SND1: variants seen among roughly 807,000 people sequenced by gnomAD.
SND1 encodes the protein staphylococcal nuclease and tudor domain containing 1.
SND1 carries 38 observed loss-of-function variants against 121.7 expected under a neutral mutation model. The observed-to-expected ratio is 0.31, with a 90% CI of 0.24 to 0.41. The LOEUF is 0.41. Ranked by LOEUF, SND1 falls within the 10% of genes least tolerant of loss-of-function variation. SND1 has a pLI of 1.00. For missense variants in SND1, 868 were observed against 1,184.6 expected (o/e 0.73, Z 3.92); for synonymous variants, 401 against 447.4 (o/e 0.90, Z 1.31).
At chr7:127,668,540 AAAT>A (rs1464755816) in intron 1 of SND1, among the ~76,000 whole-genome samples, 1 of 152,216 alleles carries the variant, frequency 6.6e-6, no homozygotes, top group African/African-American at 2.4e-5. Flanking sequence ...GACCAGGAAA[AAAT>A]AAGTATTTTT....
intron 12 of SND1, among the ~76,000 whole-genome samples, chr7:127,864,796 A>G (rs1023125367): frequency 2.0e-5 from 3 of 152,176 alleles, no homozygotes; most frequent in Admixed American, 1.3e-4. Flanking sequence ...CATCTGGAAT[A>G]ACAGCTGCAT....
At chr7:127,811,353 A>G (rs1419303445) in intron 11 of SND1, among the ~76,000 whole-genome samples, 1 of 152,210 alleles carries the variant, frequency 6.6e-6, no homozygotes, top group Non-Finnish European at 1.5e-5. Flanking sequence ...GTGGAGATGG[A>G]AATGATCTCC....
At chr7:128,070,754 A>G (rs911594358) in intron 16 of SND1, among the ~76,000 whole-genome samples, 3 of 152,190 alleles carry the variant, frequency 2.0e-5, no homozygotes, top group African/African-American at 4.8e-5. Flanking sequence ...ACTTGTGGGA[A>G]TTAACTCTAT....
intron 10 of SND1, among the ~76,000 whole-genome samples, chr7:127,746,176 T>G (rs1246039356): frequency 6.6e-6 from 1 of 152,162 alleles, no homozygotes; most frequent in Non-Finnish European, 1.5e-5. Flanking sequence ...AAGGGAATGG[T>G]CATCTTAGAA....
intron 12 of SND1, among the ~76,000 whole-genome samples, chr7:127,849,271 G>A (rs1302877708): frequency 2.6e-5 from 4 of 152,046 alleles, no homozygotes; most frequent in African/African-American, 4.8e-5. Context: ...TCCTTCTTTC[G>A]TTCTTGCCAG....
At chr7:127,743,360 T>C (rs980133778) in intron 10 of SND1, among the ~76,000 whole-genome samples, 1 of 152,250 alleles carries the variant, frequency 6.6e-6, no homozygotes, top group African/African-American at 2.4e-5. Context: ...AGACATTTTG[T>C]GAAGGCTTCT....
At chr7:127,823,583 T>C (rs1477214904) in intron 11 of SND1, among the ~76,000 whole-genome samples, 1 of 152,186 alleles carries the variant, frequency 6.6e-6, no homozygotes, top group East Asian at 1.9e-4. Context: ...TCAGACTTAC[T>C]AAAGCTCAAA....
At chr7:127,725,910 T>C (rs1796574073) in intron 10 of SND1, among the ~76,000 whole-genome samples, 1 of 152,204 alleles carries the variant, frequency 6.6e-6, no homozygotes, top group Non-Finnish European at 1.5e-5. Flanking sequence ...TCAATGGGAC[T>C]TTCCCTTCAA....
intron 11 of SND1, among the ~76,000 whole-genome samples, chr7:127,830,127 A>G (rs2116622103): frequency 6.6e-6 from 1 of 152,332 alleles, no homozygotes; most frequent in Non-Finnish European, 1.5e-5. Flanking sequence ...TCATGCCTGT[A>G]ATCCCAACAC....
At chr7:127,911,774 A>G (rs965966385) in intron 14 of SND1, among the ~76,000 whole-genome samples, 1 of 152,172 alleles carries the variant, frequency 6.6e-6, no homozygotes, top group African/African-American at 2.4e-5. Flanking sequence ...TGCTAGGATT[A>G]CAGGCATGAG....
chr7:127,847,631 C>G (rs1286374220), intron 12 of SND1, among the ~76,000 whole-genome samples: 1 of 152,212 alleles, frequency 6.6e-6, no homozygotes, highest in African/African-American at 2.4e-5. Flanking sequence ...GTGATTTACA[C>G]CCCCTCATCT....
At chr7:127,902,227 C>G (rs1395310306) in intron 13 of SND1, among the ~76,000 whole-genome samples, 1 of 152,186 alleles carries the variant, frequency 6.6e-6, no homozygotes, top group African/African-American at 2.4e-5. Flanking sequence ...ACAATTTCAG[C>G]AGTGCTCTAA....
At chr7:128,051,545 A>T (rs1184600559) in intron 16 of SND1, among the ~76,000 whole-genome samples, 1 of 152,198 alleles carries the variant, frequency 6.6e-6, no homozygotes, top group Non-Finnish European at 1.5e-5. Flanking sequence ...AATCATATAG[A>T]TCAAAGGAGG....
chr7:127,682,018 A>G (rs1371897897), intron 1 of SND1, among the ~76,000 whole-genome samples: 2 of 152,306 alleles, frequency 1.3e-5, no homozygotes, highest in Middle Eastern at 3.4e-3. Flanking sequence ...GGGAAAAAAT[A>G]TTGGCTTCAT....
chr7:127,864,783 A>T (rs535160356), intron 12 of SND1, among the ~76,000 whole-genome samples: 197 of 152,198 alleles, frequency 1.3e-3, no homozygotes, highest in African/African-American at 4.4e-3. Flanking sequence ...CCCTTTTCAG[A>T]TGCATCTGGA....
chr7:127,665,217 C>T (rs1310905152), intron 1 of SND1, among the ~76,000 whole-genome samples: 1 of 150,498 alleles, frequency 6.6e-6, no homozygotes, highest in East Asian at 1.9e-4. Flanking sequence ...GACGGAGTCT[C>T]ACTCTGTCGC....
Position 128,031,183 on chromosome 7 carries a change from G to C in SND1, c.1779+40127G>C, listed in dbSNP as rs1160960341. On this transcript the variant is annotated intron_variant, in intron 16 of 23. Transcript: ENST00000354725. ...GGCCCGGCGGGCTATGCAGGTGCAT[G>C]CCCCCCCCTCCGCCCAAGGAGCGGC... The C allele has an allele frequency of 2.0e-5, 3 of 151,948 alleles. No individual in the cohort carries two copies. The East Asian group carries it at 5.9e-4, about 30-fold the overall frequency. The allele number at this position is 151,948 out of a possible 1,614,324, so 9.4% of individuals were successfully genotyped here.
At position 127,786,729 on chromosome 7, in the gene SND1, C is replaced by T. The variant is rs991650431; in HGVS notation, c.1153-20755C>T. On this transcript the variant is annotated intron_variant, in intron 10 of 23. Transcript: ENST00000354725. ...CGCGATCTCGACTCACTGCTAGCTC[C>T]GCCTCCCGGGTTCACGCCATTCTCC... is the stretch of plus-strand genomic sequence containing the variant. Among the ~76,000 whole-genome samples the T allele has an allele frequency of 4.6e-5, 7 of 152,182 alleles. No individual in the cohort carries two copies. The South Asian group carries it at 6.2e-4, about 14-fold the overall frequency.
chr7:128,058,823 C>T (rs577554275), intron 16 of SND1, among the ~76,000 whole-genome samples: 4 of 151,886 alleles, frequency 2.6e-5, no homozygotes, highest in Admixed American at 2.6e-4. Context: ...CCTCTCGTTC[C>T]GTCCCTCCTT....
Sources: allele counts gnomAD v4.1 joint callset (sites outside exome capture counted in the v4.1 genomes callset), GRCh38; gene constraint gnomAD v4.1.1; transcripts MANE v1.5; gene names NCBI Gene and HGNC (gene_info 2026-07-23, HGNC 2026-07-21).